The following GRID2 variants were observed in gnomAD, a reference collection of about 807,000 sequenced individuals.
GRID2 encodes glutamate receptor ionotropic, delta-2.
A neutral mutation model predicts 114.8 loss-of-function variants in GRID2; 33 were observed. The observed-to-expected ratio is 0.29, with a 90% CI of 0.22 to 0.38. The LOEUF is 0.38. GRID2 is among the 10% of genes least tolerant of loss of function. GRID2 has a pLI of 1.00. For synonymous variants in GRID2, 505 were observed against 449.9 expected (o/e 1.12, Z -1.55); for missense variants, 1,184 against 1,257.7 (o/e 0.94, Z 0.89).
intron 13 of GRID2, among the ~76,000 whole-genome samples, chr4:93,543,411 A>T (rs1363557736): frequency 1.3e-5 from 2 of 152,204 alleles, no homozygotes; most frequent in Non-Finnish European, 2.9e-5. Flanking sequence ...GGTATGTCTC[A>T]ATTATTTCTC....
intron 8 of GRID2, among the ~76,000 whole-genome samples, chr4:93,314,446 G>A (rs1404485942): frequency 6.6e-6 from 1 of 151,656 alleles, no homozygotes; most frequent in East Asian, 1.9e-4. Context: ...TCCATTCCTG[G>A]ATCACTCTAC....
At chr4:93,189,091 G>T (rs1158910820) in intron 4 of GRID2, among the ~76,000 whole-genome samples, 1 of 152,070 alleles carries the variant, frequency 6.6e-6, no homozygotes, top group East Asian at 1.9e-4. Flanking sequence ...GATTCTCCCA[G>T]GTTCTGCCCA....
chr4:93,265,692 A>G (rs1750746473), intron 8 of GRID2, among the ~76,000 whole-genome samples: 1 of 152,168 alleles, frequency 6.6e-6, no homozygotes. Context: ...AAGTAAGGTA[A>G]TTATTTACTC....
intron 2 of GRID2, among the ~76,000 whole-genome samples, chr4:92,787,355 G>C (rs1055466718): frequency 6.6e-6 from 1 of 151,854 alleles, no homozygotes; most frequent in Non-Finnish European, 1.5e-5. Context: ...GGAGTCCTAG[G>C]GGTTCCAGGA....
At chr4:92,955,050 A>G (rs1178098640) in intron 2 of GRID2, among the ~76,000 whole-genome samples, 3 of 106,600 alleles carry the variant, frequency 2.8e-5, no homozygotes, top group African/African-American at 1.3e-4. Context: ...AGTCTTTGCT[A>G]TTGTGAATAA....
chr4:92,807,474 C>T (rs1048331188), intron 2 of GRID2, among the ~76,000 whole-genome samples: 10 of 151,590 alleles, frequency 6.6e-5, no homozygotes, highest in Admixed American at 6.6e-4. Flanking sequence ...CAAGAAAAGG[C>T]AAAAAATAAG....
intron 8 of GRID2, among the ~76,000 whole-genome samples, chr4:93,291,008 GC>G (rs964288448): frequency 1.6e-4 from 24 of 149,864 alleles, no homozygotes; most frequent in African/African-American, 5.4e-4. Flanking sequence ...CTCCTGAGTA[GC>G]TGGGACTACA....
chr4:93,234,214 A>G (rs1746492092), intron 7 of GRID2, among the ~76,000 whole-genome samples: 1 of 152,130 alleles, frequency 6.6e-6, no homozygotes, highest in Non-Finnish European at 1.5e-5. Context: ...GCCTCTTGTC[A>G]ATTCACCAAG....
At chr4:92,870,415 A>C (rs1745193823) in intron 2 of GRID2, among the ~76,000 whole-genome samples, 1 of 151,890 alleles carries the variant, frequency 6.6e-6, no homozygotes. Flanking sequence ...GGCTTACAGT[A>C]TTTAGGTGTT....
intron 13 of GRID2, among the ~76,000 whole-genome samples, chr4:93,556,519 T>C (rs1030592740): frequency 6.6e-6 from 1 of 151,996 alleles, no homozygotes; most frequent in Non-Finnish European, 1.5e-5. Context: ...AGATTGAAGA[T>C]CAACTTAATG....
At chr4:93,431,464 T>C (rs1270172049) in intron 10 of GRID2, among the ~76,000 whole-genome samples, 1 of 152,172 alleles carries the variant, frequency 6.6e-6, no homozygotes, top group Non-Finnish European at 1.5e-5. Context: ...AAATAAGCTA[T>C]GACTAGCAAT....
chr4:92,972,721 C>T (rs1051052893), intron 2 of GRID2, among the ~76,000 whole-genome samples: 2 of 151,774 alleles, frequency 1.3e-5, no homozygotes, highest in Non-Finnish European at 2.9e-5. Context: ...AAGCCTAGTA[C>T]CCACTGGTTA....
At chr4:92,914,915 AT>A (rs1560695324) in intron 2 of GRID2, among the ~76,000 whole-genome samples, 1 of 152,152 alleles carries the variant, frequency 6.6e-6, no homozygotes, top group Non-Finnish European at 1.5e-5. Context: ...AATGATTTAT[AT>A]TCCTTTGCAT....
intron 2 of GRID2, among the ~76,000 whole-genome samples, chr4:92,675,250 A>T (rs1333794954): frequency 6.6e-6 from 1 of 152,128 alleles, no homozygotes; most frequent in Non-Finnish European, 1.5e-5. Flanking sequence ...TCAGAACTCC[A>T]CTGTTCCTCA....
At chr4:93,254,968 CT>C (rs755457357) in intron 8 of GRID2, among the ~76,000 whole-genome samples, 4 of 152,020 alleles carry the variant, frequency 2.6e-5, no homozygotes, top group Non-Finnish European at 5.9e-5. Context: ...CATTCTCAGT[CT>C]TTTACAAACA....
intron 1 of GRID2, among the ~76,000 whole-genome samples, chr4:92,386,594 A>G (rs1019257942): frequency 2.0e-5 from 3 of 151,872 alleles, no homozygotes; most frequent in Non-Finnish European, 2.9e-5. Context: ...AAAAATATGA[A>G]AAAGCAGAAT....
intron 8 of GRID2, among the ~76,000 whole-genome samples, chr4:93,263,933 G>A (rs1750527480): frequency 6.6e-6 from 1 of 152,120 alleles, no homozygotes; most frequent in Admixed American, 6.6e-5. Context: ...GCAGTTTCAA[G>A]TCATTGAAAT....
At chr4:92,316,966 T>A (rs192707764) in intron 1 of GRID2, among the ~76,000 whole-genome samples, 132 of 152,278 alleles carry the variant, frequency 8.7e-4, no homozygotes, top group Non-Finnish European at 1.1e-3. Flanking sequence ...TTTTATTTTT[T>A]AAAAATAGAT....
chr4:93,113,259 A>T (rs1436395789), intron 4 of GRID2, among the ~76,000 whole-genome samples: 2 of 152,190 alleles, frequency 1.3e-5, no homozygotes, highest in East Asian at 3.9e-4. Context: ...TATAATCTTC[A>T]TAAAAAGCCT....
Sources: gnomAD v4.1 joint callset for allele counts (sites outside exome capture counted in the v4.1 genomes callset) on GRCh38, gnomAD v4.1.1 for gene constraint, MANE v1.5 for transcripts, NCBI Gene and HGNC (gene_info 2026-07-23, HGNC 2026-07-21) for gene names.